Variants in FOXD4L3 observed in about 807,000 individuals in gnomAD.
FOXD4L3 encodes forkhead box D4 like 3.
For synonymous variants in FOXD4L3, 26 were observed against 242.4 expected (o/e 0.11, Z 8.29); for missense variants, 44 against 545.5 (o/e 0.08, Z 9.16).
chr9:68,304,450 C>A lies in FOXD4L3; in HGVS notation c.*245C>A, dbSNP rs1432715701. ...AGCAAACACGAACTTCTGTTCGCTG[C>A]AAAATGGTTAGAAAGAAACAGCTGG... is the stretch of plus-strand genomic sequence containing the variant. On this transcript the variant is annotated 3_prime_UTR_variant, in exon 1 of 1. Coordinates refer to ENST00000342833, the MANE Select transcript of FOXD4L3 (RefSeq NM_199135.4). The A allele has an allele frequency of 2.3e-5, 21 of 909,978 alleles. No homozygotes were observed. Among genetic ancestry groups the A allele is most frequent in the Non-Finnish European group, 3.6e-5 (21 of 587,384 alleles). The allele number at this position is 909,978 out of a possible 1,614,324, so 56.4% of individuals were successfully genotyped here.
At position 68,304,208 on chromosome 9, in the gene FOXD4L3, T is replaced by C; in HGVS notation, c.*3T>C. 1 of 1,541,678 alleles carries C rather than the reference T, an allele frequency of 6.5e-7. No individual in the cohort carries two copies. The highest frequency in any genetic ancestry group is 8.8e-7 in the Non-Finnish European group (1 of 1,138,138). On this transcript the variant is annotated 3_prime_UTR_variant, in exon 1 of 1. Coordinates refer to ENST00000342833, the MANE Select transcript of FOXD4L3 (RefSeq NM_199135.4). ...GTCGGCCTCGTCGGCCCTGCTGAGG[T>C]ATCAGGCAGTGGCAGAGGGCTCTAG...
rs782316489 is a variant in FOXD4L3 at position 68,303,997 on chromosome 9, G to T, written c.1046G>T (p.Arg349Leu). 2 of 1,611,970 alleles carry T rather than the reference G, an allele frequency of 1.2e-6. No homozygotes were observed. The highest frequency in any genetic ancestry group is 2.2e-5 in the South Asian group (2 of 90,968). Residue 349 changes from arginine (R) to leucine (L), a missense_variant, in exon 1 of 1, where the codon CGT (arginine) becomes CTT (leucine). Coordinates refer to ENST00000342833, the MANE Select transcript of FOXD4L3 (RefSeq NM_199135.4). Reference sequence around the variant, plus strand: ...CTGCGCAGAATTTGTCCCCGACCGCGTGGAGCTACTGCCACCTGCTCCAGC... The same window carrying T: ...CTGCGCAGAATTTGTCCCCGACCGCTTGGAGCTACTGCCACCTGCTCCAGC... ...QGLRRICPRP[R>L]GATATCSSDH... is the part of the protein sequence containing the mutation.
the FOXD4L3 span, chr9:68,303,921 CTT>C: frequency 6.2e-7 from 1 of 1,610,916 alleles, no homozygotes; most frequent in Non-Finnish European, 8.5e-7. Context: ...GGATGCATCT[CTT>C]TCAGCATTGA....
rs1667250077 is a variant in FOXD4L3 at position 68,304,705 on chromosome 9, A to G, written c.*500A>G. On this transcript the variant is annotated 3_prime_UTR_variant, in exon 1 of 1. Coordinates refer to ENST00000342833, the MANE Select transcript of FOXD4L3 (RefSeq NM_199135.4). ...CCCTTCTTCACTTCCTTGGAGCTGGAAGTATTATTCCTAAGTCTAGTGCAA... is the reference window on the plus strand; with the variant it reads ...CCCTTCTTCACTTCCTTGGAGCTGGGAGTATTATTCCTAAGTCTAGTGCAA... 1 of 179,046 alleles carries G rather than the reference A, an allele frequency of 5.6e-6. No homozygotes were observed. The highest frequency in any genetic ancestry group is 1.6e-4 in the East Asian group (1 of 6,420). The allele number at this position is 179,046 out of a possible 1,614,324, so 11.1% of individuals were successfully genotyped here.
chr9:68,303,998 T>G lies in FOXD4L3; in HGVS notation c.1047T>G (p.Arg349=). ...QGLRRICPRP[R]GATATCSSDH... is the part of the protein sequence containing the mutation. Reference sequence around the variant, plus strand: ...TGCGCAGAATTTGTCCCCGACCGCGTGGAGCTACTGCCACCTGCTCCAGCG... The same window carrying G: ...TGCGCAGAATTTGTCCCCGACCGCGGGGAGCTACTGCCACCTGCTCCAGCG... Residue 349 remains arginine (R), a synonymous_variant, in exon 1 of 1, where the codon CGT becomes CGG. Coordinates refer to ENST00000342833, the MANE Select transcript of FOXD4L3 (RefSeq NM_199135.4). The G allele has an allele frequency of 6.2e-7, 1 of 1,611,922 alleles. No homozygotes were observed. Among genetic ancestry groups the G allele is most frequent in the Non-Finnish European group, 8.5e-7 (1 of 1,179,850 alleles).
rs1554671027 is a variant in FOXD4L3, at chr9:68,304,347, G to A, written c.*142G>A. On this transcript the variant is annotated 3_prime_UTR_variant, in exon 1 of 1. Coordinates refer to ENST00000342833, the MANE Select transcript of FOXD4L3 (RefSeq NM_199135.4). ...GCAGGGCCCTCCTAGAGCCAGGTGGGAGTGGGGAGCGACCCGCAGCTGCTC... is the reference window on the plus strand; with the variant it reads ...GCAGGGCCCTCCTAGAGCCAGGTGGAAGTGGGGAGCGACCCGCAGCTGCTC... 9 of 1,519,644 alleles carry A rather than the reference G, an allele frequency of 5.9e-6. No homozygotes were observed. The highest frequency in any genetic ancestry group is 2.1e-5 in the Admixed American group (1 of 46,602). 94.1% of individuals were successfully genotyped at this position (1,519,644 alleles called of 1,614,324 possible). A position where few individuals can be genotyped will look rare whatever the true frequency, so the allele number is the denominator to read the frequency against.
Position 68,304,281 on chromosome 9 carries a change from T to A in FOXD4L3, c.*76T>A, listed in dbSNP as rs1348426947. The A allele has an allele frequency of 1.1e-6, 1 of 893,846 alleles. No homozygotes were observed. The highest frequency in any genetic ancestry group is 1.7e-6 in the Non-Finnish European group (1 of 587,444). 55.4% of individuals were successfully genotyped at this position (893,846 alleles called of 1,614,324 possible). A position where few individuals can be genotyped will look rare whatever the true frequency, so the allele number is the denominator to read the frequency against. ...TTGGGCGGAGAGGGGACCTCACCAG[T>A]TTTTTTAGTATCGCCCACGCCCAGT... On this transcript the variant is annotated 3_prime_UTR_variant, in exon 1 of 1. Coordinates refer to ENST00000342833, the MANE Select transcript of FOXD4L3 (RefSeq NM_199135.4).
In FOXD4L3 at chr9:68,304,192, G is replaced by C; in HGVS notation, c.1241G>C (p.Arg414Pro). 6.4e-7 allele frequency: 1 copy of C among 1,558,194 alleles called. No homozygotes were observed. Among genetic ancestry groups the C allele is most frequent in the South Asian group, 1.2e-5 (1 of 85,622 alleles). Residue 414 changes from arginine to proline, a missense_variant, in exon 1 of 1, where the codon CGT (arginine) becomes CCT (proline). Arg to Pro is a moderately radical substitution (Grantham distance 103, BLOSUM62 -2). Transcript: ENST00000342833. ...ARCWAGTCRP[R>P]RPC Reference sequence around the variant, plus strand: ...TGCTGGGCGGGCACCTGTCGGCCTCGTCGGCCCTGCTGAGGTATCAGGCAG... The same window carrying C: ...TGCTGGGCGGGCACCTGTCGGCCTCCTCGGCCCTGCTGAGGTATCAGGCAG...
chr9:68,303,955 G>T lies in FOXD4L3; in HGVS notation c.1004G>T (p.Gly335Val). 6.2e-7 allele frequency: 1 copy of T among 1,611,848 alleles called. No individual in the cohort carries two copies. The highest frequency in any genetic ancestry group is 1.1e-5 in the South Asian group (1 of 90,966). The change falls in exon 1 of 1, where the codon GGG becomes GTG. Residue 335 changes from glycine to valine, a missense_variant. Coordinates refer to ENST00000342833, the MANE Select transcript of FOXD4L3 (RefSeq NM_199135.4). The stretch of plus-strand genomic sequence containing the variant: ...TTGAGAGTATTATGCAAGGGGTCAG[G>T]GGAGCGGGTACAGGGGCTGCGCAGA... ...SALRVLCKGSGERVQGLRRIC... is the reference protein window; with the variant it reads ...SALRVLCKGSVERVQGLRRIC...
Position 68,303,080 on chromosome 9 carries a change from G to A in FOXD4L3, c.129G>A (p.Glu43=). 1.3e-6 allele frequency: 2 copies of A among 1,593,272 alleles called. No homozygotes were observed. ...EEDEDEVEDE[E]EAASQQFLEQ... ...ATGAAGACGAGGTGGAAGACGAGGA[G>A]GAGGCGGCGAGCCAGCAGTTCCTAG... is the stretch of plus-strand genomic sequence containing the variant. Residue 43 remains glutamate, a synonymous_variant, in exon 1 of 1, where the codon GAG becomes GAA. Transcript: ENST00000342833.
Position 68,303,154 on chromosome 9 carries a change from C to G in FOXD4L3, c.203C>G (p.Ala68Gly), listed in dbSNP as rs1286116690. ...CAGGTGGCCCGGTGGGGCGGGGTTG[C>G]GCTTCCCCGAGAGCACATCGAGGGC... ...GLQVARWGGV[A>G]LPREHIEGGG... The change falls in exon 1 of 1, where the codon GCG (alanine) becomes GGG (glycine). Residue 68 changes from alanine to glycine, a missense_variant. Physicochemically the swap from Ala to Gly is moderately conservative, Grantham distance 60. Transcript: ENST00000342833. 1 of 1,204,832 alleles carries G rather than the reference C, an allele frequency of 8.3e-7. No homozygotes were observed. The highest frequency in any genetic ancestry group is 1.5e-5 in the South Asian group (1 of 67,924). 74.6% of individuals were successfully genotyped at this position (1,204,832 alleles called of 1,614,324 possible).
At position 68,304,196 on chromosome 9, in the gene FOXD4L3, G is replaced by T; in HGVS notation, c.1245G>T (p.Arg415=). The part of the protein sequence containing the change: ...RCWAGTCRPR[R]PC ...GGGCGGGCACCTGTCGGCCTCGTCGGCCCTGCTGAGGTATCAGGCAGTGGC... is the reference window on the plus strand; with the variant it reads ...GGGCGGGCACCTGTCGGCCTCGTCGTCCCTGCTGAGGTATCAGGCAGTGGC... The change falls in exon 1 of 1, where the codon CGG becomes CGT. Residue 415 remains arginine (R), a synonymous_variant. Coordinates refer to ENST00000342833, the MANE Select transcript of FOXD4L3 (RefSeq NM_199135.4). 1 of 1,554,442 alleles carries T rather than the reference G, an allele frequency of 6.4e-7. No homozygotes were observed. The highest frequency in any genetic ancestry group is 2.3e-5 in the East Asian group (1 of 43,048).
In FOXD4L3 at chr9:68,304,342, G is replaced by A. The variant is rs1220092071; in HGVS notation, c.*137G>A. Reference sequence around the variant, plus strand: ...ACTCCGCAGGGCCCTCCTAGAGCCAGGTGGGAGTGGGGAGCGACCCGCAGC... The same window carrying A: ...ACTCCGCAGGGCCCTCCTAGAGCCAAGTGGGAGTGGGGAGCGACCCGCAGC... On this transcript the variant is annotated 3_prime_UTR_variant, in exon 1 of 1. Transcript: ENST00000342833. The A allele has an allele frequency of 1.3e-6, 2 of 1,517,558 alleles. No homozygotes were observed. The highest frequency in any genetic ancestry group is 1.4e-5 in the African/African-American group (1 of 71,920). 94.0% of individuals were successfully genotyped at this position (1,517,558 alleles called of 1,614,324 possible). A position where few individuals can be genotyped will look rare whatever the true frequency, so the allele number is the denominator to read the frequency against.
Position 68,304,657 on chromosome 9 carries a change from G to C in FOXD4L3, c.*452G>C, listed in dbSNP as rs1833727178. 1 of 197,610 alleles carries C rather than the reference G, an allele frequency of 5.1e-6. No homozygotes were observed. The highest frequency in any genetic ancestry group is 2.5e-5 in the African/African-American group (1 of 39,836). The allele number at this position is 197,610 out of a possible 1,614,324, so 12.2% of individuals were successfully genotyped here. ...AAACAAGCAAGCAAACAAAAACACA[G>C]CCTCCGATGCCAAACATGTTCCCCC... On this transcript the variant is annotated 3_prime_UTR_variant, in exon 1 of 1. Transcript: ENST00000342833.
chr9:68,305,003 A>G lies in FOXD4L3; in HGVS notation c.*798A>G, dbSNP rs1833733705. 1 of 167,826 alleles carries G rather than the reference A, an allele frequency of 6.0e-6. No individual in the cohort carries two copies. Among genetic ancestry groups the G allele is most frequent in the Non-Finnish European group, 1.5e-5 (1 of 68,662 alleles). The allele number at this position is 167,826 out of a possible 1,614,324, so 10.4% of individuals were successfully genotyped here. A position where few individuals can be genotyped will look rare whatever the true frequency, so the allele number is the denominator to read the frequency against. ...CTCAAACAATTTATTTTCACAATTC[A>G]TATTTATTATAGATAGCAGAAGTAA... On this transcript the variant is annotated 3_prime_UTR_variant, in exon 1 of 1. Transcript: ENST00000342833.
chr9:68,304,968 G>A lies in FOXD4L3; in HGVS notation c.*763G>A, dbSNP rs2482266. 919 of 115,462 alleles carry A rather than the reference G, an allele frequency of 8.0e-3. No homozygotes were observed. Among genetic ancestry groups the A allele is most frequent in the East Asian group, 0.02 (65 of 3,204 alleles). 7.2% of individuals were successfully genotyped at this position (115,462 alleles called of 1,614,324 possible). A position where few individuals can be genotyped will look rare whatever the true frequency, so the allele number is the denominator to read the frequency against. Reference sequence around the variant, plus strand: ...CTAAATGGAACTTTTTAAAACCTACGTTATTTTCCCTCAAACAATTTATTT... The same window carrying A: ...CTAAATGGAACTTTTTAAAACCTACATTATTTTCCCTCAAACAATTTATTT... On this transcript the variant is annotated 3_prime_UTR_variant, in exon 1 of 1. Transcript: ENST00000342833.
the FOXD4L3 span, chr9:68,303,649 C>CA: frequency 6.2e-7 from 1 of 1,600,246 alleles, no homozygotes; most frequent in Admixed American, 1.7e-5. Context: ...AACCCCCGCC[C>CA]AGGCCCTCTG....
Position 68,303,155 on chromosome 9 carries a change from G to T in FOXD4L3, c.204G>T (p.Ala68=), listed in dbSNP as rs1408816981. Residue 68 remains alanine (A), a synonymous_variant, in exon 1 of 1, where the codon GCG becomes GCT. Transcript: ENST00000342833. Reference sequence around the variant, plus strand: ...AGGTGGCCCGGTGGGGCGGGGTTGCGCTTCCCCGAGAGCACATCGAGGGCG... The same window carrying T: ...AGGTGGCCCGGTGGGGCGGGGTTGCTCTTCCCCGAGAGCACATCGAGGGCG... ...GLQVARWGGV[A]LPREHIEGGG... 2 of 1,195,666 alleles carry T rather than the reference G, an allele frequency of 1.7e-6. No homozygotes were observed. Among genetic ancestry groups the T allele is most frequent in the African/African-American group, 3.3e-5 (2 of 59,740 alleles). 74.1% of individuals were successfully genotyped at this position (1,195,666 alleles called of 1,614,324 possible). A position where few individuals can be genotyped will look rare whatever the true frequency, so the allele number is the denominator to read the frequency against.
rs1235972860 is a variant in FOXD4L3, at chr9:68,304,479, A to G, written c.*274A>G. ...ATGGTTAGAAAGAAACAGCTGGATTACGTTCCTCTAAAAACCACCTGAACG... is the reference window on the plus strand; with the variant it reads ...ATGGTTAGAAAGAAACAGCTGGATTGCGTTCCTCTAAAAACCACCTGAACG... On this transcript the variant is annotated 3_prime_UTR_variant, in exon 1 of 1. Coordinates refer to ENST00000342833, the MANE Select transcript of FOXD4L3 (RefSeq NM_199135.4). 6.1e-6 allele frequency: 4 copies of G among 653,118 alleles called. No individual in the cohort carries two copies. Among genetic ancestry groups the G allele is most frequent in the Non-Finnish European group, 1.1e-5 (4 of 358,464 alleles). 40.5% of individuals were successfully genotyped at this position (653,118 alleles called of 1,614,324 possible).
Sources: allele counts gnomAD v4.1 joint callset, GRCh38; gene constraint gnomAD v4.1.1; transcripts MANE v1.5; gene names NCBI Gene and HGNC (gene_info 2026-07-23, HGNC 2026-07-21).